The following CDK19 variants were observed in gnomAD, a reference collection of about 807,000 sequenced individuals.
CDK19 encodes cyclin-dependent kinase 19.
CDK19 carries 20 observed loss-of-function variants against 68.3 expected under a neutral mutation model. The ratio of observed to expected loss-of-function variants is 0.29; its 90% CI spans 0.21 to 0.43. CDK19 has a LOEUF of 0.43. Ranked by LOEUF, CDK19 falls within the 20% of genes least tolerant of loss-of-function variation. The pLI is 1.00. For synonymous variants in CDK19, 221 were observed against 222.8 expected, an observed-to-expected ratio of 0.99 and a Z score of 0.07; for missense variants, 339 against 623.5, an observed-to-expected ratio of 0.54 and a Z score of 4.86.
intron 2 of CDK19, among the ~76,000 whole-genome samples, chr6:110,725,293 T>A (rs1776240003): frequency 6.6e-6 from 1 of 152,000 alleles, no homozygotes; most frequent in Admixed American, 6.6e-5. Flanking sequence ...TAATAGAAAT[T>A]AAACTAAATT....
At chr6:110,779,035 T>C (rs1436045896) in intron 1 of CDK19, among the ~76,000 whole-genome samples, 1 of 152,168 alleles carries the variant, frequency 6.6e-6, no homozygotes, top group Non-Finnish European at 1.5e-5. Flanking sequence ...AGACCACCTG[T>C]TTTGTACTGT....
chr6:110,668,695 A>G (rs1473632038), intron 3 of CDK19, among the ~76,000 whole-genome samples: 3 of 152,024 alleles, frequency 2.0e-5, no homozygotes, highest in African/African-American at 7.2e-5. Flanking sequence ...AGCTGGGCGT[A>G]GTGGTGTATG....
chr6:110,620,466 T>A (rs566772708), intron 12 of CDK19, among the ~76,000 whole-genome samples: 5 of 151,804 alleles, frequency 3.3e-5, no homozygotes, highest in South Asian at 4.2e-4. Flanking sequence ...TGAAAAAAAA[T>A]TTTTTTTTCA....
chr6:110,815,754 T>TAC (rs1783602180), upstream of CDK19: 2 of 152,578 alleles, frequency 1.3e-5, no homozygotes, highest in South Asian at 4.0e-4. Context: ...GGGAAGGGGA[T>TAC]ACTTCACTGT....
intron 4 of CDK19, among the ~76,000 whole-genome samples, chr6:110,659,104 G>A (rs561228052): frequency 1.3e-5 from 2 of 152,284 alleles, no homozygotes; most frequent in African/African-American, 2.4e-5. Context: ...TCTAGAGAAC[G>A]ATATTAAATG....
intron 1 of CDK19, among the ~76,000 whole-genome samples, chr6:110,804,237 G>GA (rs372714584): frequency 2.0e-4 from 30 of 152,026 alleles, no homozygotes; most frequent in Middle Eastern, 3.4e-3. Context: ...AACCCTCACT[G>GA]AAAAAAATGT....
chr6:110,734,520 G>GCCCTCTCTCTCTCTCTCTCTCTCTCT (rs1554214772), intron 2 of CDK19, among the ~76,000 whole-genome samples: 1 of 85,734 alleles, frequency 1.2e-5, no homozygotes, highest in Non-Finnish European at 2.3e-5. Context: ...GGTGAGCACT[G>GCCCTCTCTCTCTCTCTCTCTCTCTCT]CTCTCTCTCT....
At chr6:110,640,003 A>C (rs1262735992) in intron 4 of CDK19, among the ~76,000 whole-genome samples, 3 of 152,166 alleles carry the variant, frequency 2.0e-5, no homozygotes, top group African/African-American at 7.2e-5. Flanking sequence ...ACCTGAGTCT[A>C]GGAGTTCAAG....
chr6:110,622,306 T>C (rs532695641), intron 10 of CDK19, 140 bp from the exon 11 acceptor site: 1 of 617,196 alleles, frequency 1.6e-6, no homozygotes, highest in African/African-American at 1.8e-5. Flanking sequence ...TCTTGACTGC[T>C]GCTAGCTAGT....
At chr6:110,774,215 C>G (rs572808599) in intron 1 of CDK19, among the ~76,000 whole-genome samples, 1 of 152,142 alleles carries the variant, frequency 6.6e-6, no homozygotes, top group Non-Finnish European at 1.5e-5. Flanking sequence ...ACTAATGCAG[C>G]AATAAAGTAT....
intron 4 of CDK19, among the ~76,000 whole-genome samples, chr6:110,642,325 A>G (rs1196151352): frequency 1.3e-5 from 2 of 151,824 alleles, no homozygotes; most frequent in Non-Finnish European, 2.9e-5. Flanking sequence ...AAAAAAAAAA[A>G]AAAAGGGTTC....
At chr6:110,752,318 T>C (rs958666399) in intron 1 of CDK19, among the ~76,000 whole-genome samples, 2 of 152,224 alleles carry the variant, frequency 1.3e-5, no homozygotes, top group East Asian at 3.8e-4. Flanking sequence ...CTTTTCTTAA[T>C]TATTTTGAAA....
Position 110,753,937 on chromosome 6 carries a change from C to T in CDK19, c.129-7736G>A, listed in dbSNP as rs1047536553. On this transcript the variant is annotated intron_variant, in intron 1 of 12. Coordinates refer to ENST00000368911, the MANE Select transcript of CDK19 (RefSeq NM_015076.5). ...TCAACAACTACTTGAACTGTCAGTG[C>T]ACTTCCAAAATCTCAAGTTCAATGT... 2.2e-4 allele frequency among the ~76,000 whole-genome samples: 34 copies of T among 152,198 alleles called. 1 individual carries two copies. Among genetic ancestry groups the T allele is most frequent in the African/African-American group, 7.7e-4 (32 of 41,536 alleles).
chr6:110,728,053 G>T (rs1258118268), intron 2 of CDK19, among the ~76,000 whole-genome samples: 3 of 151,786 alleles, frequency 2.0e-5, no homozygotes, highest in Non-Finnish European at 4.4e-5. Flanking sequence ...CACTTTGGGA[G>T]GCCAAGGTGG....
chr6:110,683,950 C>T (rs1057399677), intron 2 of CDK19, among the ~76,000 whole-genome samples: 59 of 151,374 alleles, frequency 3.9e-4, no homozygotes, highest in African/African-American at 1.4e-3. Flanking sequence ...CTCAGGTGAT[C>T]CACCTGCCTC....
chr6:110,646,598 A>C, intron 4 of CDK19: 40 of 319,748 alleles, frequency 1.3e-4, no homozygotes, highest in Non-Finnish European at 2.0e-4. Flanking sequence ...CCAACGGCGG[A>C]GGGGGCGGGG....
chr6:110,650,333 T>C (rs1780884123), intron 4 of CDK19, among the ~76,000 whole-genome samples: 1 of 152,206 alleles, frequency 6.6e-6, no homozygotes, highest in South Asian at 2.1e-4. Flanking sequence ...ATAAGCATGC[T>C]ACTGGTAATC....
intron 1 of CDK19, among the ~76,000 whole-genome samples, chr6:110,773,421 T>C (rs1023788142): frequency 4.6e-5 from 7 of 152,046 alleles, no homozygotes; most frequent in African/African-American, 1.4e-4. Flanking sequence ...AAATGGGACC[T>C]ATAGCATGAA....
At chr6:110,657,965 A>T in intron 4 of CDK19, among the ~76,000 whole-genome samples, 1 of 152,160 alleles carries the variant, frequency 6.6e-6, no homozygotes, top group East Asian at 1.9e-4. Context: ...GAAAGCTCCA[A>T]CTACAGGGCT....
Sources: gnomAD v4.1 joint callset for allele counts (sites outside exome capture counted in the v4.1 genomes callset) on GRCh38, gnomAD v4.1.1 for gene constraint, MANE v1.5 for transcripts, NCBI Gene and HGNC (gene_info 2026-07-23, HGNC 2026-07-21) for gene names.